The following GSTO2 variants were observed in gnomAD, a reference collection of about 807,000 sequenced individuals.
GSTO2 encodes glutathione S-transferase omega 2.
In GSTO2, 23 loss-of-function variants were observed where a neutral mutation model predicts 28.4. The observed-to-expected ratio is 0.81, with a 90% CI of 0.58 to 1.15. The LOEUF is 1.15. Ranked by LOEUF, GSTO2 falls within the 50% of genes most tolerant of loss-of-function variation. The pLI is 0.00. For missense variants in GSTO2, 298 were observed against 297.8 expected (o/e 1.00, Z 0.00); for synonymous variants, 109 against 111.0 (o/e 0.98, Z 0.11).
intron 5 of GSTO2, chr10:104,296,727 A>C (rs2013049151): frequency 6.6e-6 from 1 of 152,046 alleles, no homozygotes; most frequent in Non-Finnish European, 1.5e-5. Flanking sequence ...TGAGAAGATA[A>C]AATAATAAGG....
rs1448061691 is a variant in GSTO2 at position 104,274,864 on chromosome 10, C to G, written c.-52C>G. On this transcript the variant is annotated 5_prime_UTR_variant, in exon 2 of 7. Transcript: ENST00000338595. ...TGGAGCCTGCGGCAGCGGTGGCGAG[C>G]CACAGGGCGGCGACCGTGAGCTCCG... The G allele has an allele frequency of 3.8e-6, 6 of 1,587,314 alleles. No homozygotes were observed. Among genetic ancestry groups the G allele is most frequent in the Non-Finnish European group, 5.1e-6 (6 of 1,167,180 alleles).
In GSTO2 at chr10:104,299,360, C is replaced by G; in HGVS notation, c.*76C>G. ...TCTACGTCACGGCTTGTCTTGGGAA[C>G]CAATCCGTCTCTCTTTCTTTTCTTT... is the stretch of plus-strand genomic sequence containing the variant. On this transcript the variant is annotated 3_prime_UTR_variant, in exon 7 of 7. Coordinates refer to ENST00000338595, the MANE Select transcript of GSTO2 (RefSeq NM_183239.2). The G allele has an allele frequency of 1.4e-6, 2 of 1,469,576 alleles. No homozygotes were observed. The highest frequency in any genetic ancestry group is 1.2e-5 in the South Asian group (1 of 82,062). 91.0% of individuals were successfully genotyped at this position (1,469,576 alleles called of 1,614,324 possible). A position where few individuals can be genotyped will look rare whatever the true frequency, so the allele number is the denominator to read the frequency against.
chr10:104,278,265 G>A, intron 4 of GSTO2, 149 bp downstream of exon 4: 6 of 649,324 alleles, frequency 9.2e-6, no homozygotes, highest in Non-Finnish European at 1.3e-5. Context: ...TGGAATTAGG[G>A]TAGAGCATGG....
chr10:104,293,377 G>T (rs1052640871), intron 5 of GSTO2, among the ~76,000 whole-genome samples: 2 of 152,218 alleles, frequency 1.3e-5, no homozygotes, highest in South Asian at 2.1e-4. Flanking sequence ...CATTCTTACA[G>T]AAAAGAATTC....
At chr10:104,292,466 CTT>C (rs879585556) in intron 5 of GSTO2, among the ~76,000 whole-genome samples, 10 of 142,864 alleles carry the variant, frequency 7.0e-5, no homozygotes, top group Admixed American at 1.4e-4. Context: ...CCACCAATAT[CTT>C]TTTTTTTTTT....
intron 5 of GSTO2, chr10:104,291,712 A>AGT (rs1170599878): frequency 2.6e-5 from 4 of 152,260 alleles, no homozygotes; most frequent in Admixed American, 2.0e-4. Context: ...GCTTGGGAAC[A>AGT]GTGCATCCCC....
chr10:104,276,350 A>G (rs1266609194), intron 3 of GSTO2, among the ~76,000 whole-genome samples: 2 of 152,220 alleles, frequency 1.3e-5, no homozygotes, highest in Non-Finnish European at 2.9e-5. Flanking sequence ...CCATTTGGTG[A>G]TAAATTATCA....
At chr10:104,287,047 C>T (rs183519806) in intron 5 of GSTO2, among the ~76,000 whole-genome samples, 10 of 152,126 alleles carry the variant, frequency 6.6e-5, no homozygotes, top group African/African-American at 1.7e-4. Flanking sequence ...GTAAATATTC[C>T]CCACACCCCC....
chr10:104,274,870 G>T lies in GSTO2; in HGVS notation c.-46G>T. Reference sequence around the variant, plus strand: ...CTGCGGCAGCGGTGGCGAGCCACAGGGCGGCGACCGTGAGCTCCGGGAGCT... The same window carrying T: ...CTGCGGCAGCGGTGGCGAGCCACAGTGCGGCGACCGTGAGCTCCGGGAGCT... On this transcript the variant is annotated 5_prime_UTR_variant, in exon 2 of 7. Coordinates refer to ENST00000338595, the MANE Select transcript of GSTO2 (RefSeq NM_183239.2). 6.3e-7 allele frequency: 1 copy of T among 1,592,566 alleles called. No homozygotes were observed.
chr10:104,297,251 T>G (rs2013082536), intron 5 of GSTO2: 1 of 203,356 alleles, frequency 4.9e-6, no homozygotes, highest in Non-Finnish European at 1.0e-5. Flanking sequence ...CTTGGAAGGC[T>G]TAGCACATTG....
intron 5 of GSTO2, chr10:104,297,001 A>G (rs953397923): frequency 2.6e-5 from 4 of 151,882 alleles, no homozygotes; most frequent in African/African-American, 9.7e-5. Flanking sequence ...CTGGTCTCGA[A>G]CTCCCCACCT....
chr10:104,286,035 T>C, intron 5 of GSTO2: 1 of 269,202 alleles, frequency 3.7e-6, no homozygotes, highest in South Asian at 3.1e-5. Flanking sequence ...TTTTTTATCA[T>C]CTAAGTTAAC....
intron 5 of GSTO2, among the ~76,000 whole-genome samples, chr10:104,290,403 G>A (rs1018283316): frequency 6.6e-6 from 1 of 151,984 alleles, no homozygotes; most frequent in Non-Finnish European, 1.5e-5. Flanking sequence ...TACTCAGGAG[G>A]CTGAGGCAGG....
In GSTO2 at chr10:104,272,587, CTTTTTTTTTTTTTTTTTTTTTTTTTTTT is replaced by C. The variant is rs768279768; in HGVS notation, c.-231-2081_-231-2054del. 5.1e-3 allele frequency among the ~76,000 whole-genome samples: 250 copies of C among 49,320 alleles called. 1 individual carries two copies. The highest frequency in any genetic ancestry group is 0.016 in the Middle Eastern group (1 of 64). 32.4% of individuals were successfully genotyped at this position (49,320 alleles called of 152,430 possible). ...GAATCAAAATAGAACAGTTATGGGA[CTTTTTTTTTTTTTTTTTTTTTTTTTTTT>C]TTTTTTTTTTTTTTTTGAGACGGAG... On this transcript the variant is annotated intron_variant, in intron 1 of 6. Transcript: ENST00000338595.
Position 104,299,112 on chromosome 10 carries a change from CT to C in GSTO2, c.576-13del, listed in dbSNP as rs780826882. 3 of 1,610,340 alleles carry C rather than the reference CT, an allele frequency of 1.9e-6. 1 individual carries two copies. The South Asian group carries it at 3.3e-5, about 18-fold the overall frequency. On this transcript the variant is annotated splice_polypyrimidine_tract_variant and intron_variant, in intron 6 of 6. Transcript: ENST00000338595. ...CTACCCCTGCACTGTGCTGACGCTT[CT>C]TTCCTGTCTTGCAGCTGTGTGAGCC... is the stretch of plus-strand genomic sequence containing the variant.
chr10:104,291,037 T>C (rs1222342883), intron 5 of GSTO2, among the ~76,000 whole-genome samples: 3 of 151,962 alleles, frequency 2.0e-5, no homozygotes, highest in Non-Finnish European at 4.4e-5. Flanking sequence ...CCACGAAAAA[T>C]AAAATTAATA....
intron 1 of GSTO2, among the ~76,000 whole-genome samples, chr10:104,269,760 G>T (rs1239487973): frequency 6.6e-6 from 1 of 152,200 alleles, no homozygotes; most frequent in East Asian, 1.9e-4. Flanking sequence ...CACATGCTAA[G>T]CATTCAATAT....
intron 4 of GSTO2, among the ~76,000 whole-genome samples, chr10:104,278,517 T>G (rs111587531): frequency 0.074 from 11,256 of 152,270 alleles, 1,390 homozygotes; most frequent in African/African-American, 0.26. Flanking sequence ...AGTCTCGCTC[T>G]GTCACCCAGG....
Position 104,300,601 on chromosome 10 carries a change from T to G in GSTO2, c.*1317T>G, listed in dbSNP as rs2013228625. 1 of 152,272 alleles carries G rather than the reference T, an allele frequency of 6.6e-6. No individual in the cohort carries two copies. The allele number at this position is 152,272 out of a possible 1,614,324, so 9.4% of individuals were successfully genotyped here. ...GCTGAGGATGGCTGGTGCCAACAGG[T>G]CCCTTGGGCTGGGAGCATCTACTGC... On this transcript the variant is annotated 3_prime_UTR_variant, in exon 7 of 7. Transcript: ENST00000338595.
Sources: gnomAD v4.1 joint callset for allele counts (sites outside exome capture counted in the v4.1 genomes callset) on GRCh38, gnomAD v4.1.1 for gene constraint, MANE v1.5 for transcripts, NCBI Gene and HGNC (gene_info 2026-07-23, HGNC 2026-07-21) for gene names.